PROCR: variants seen among roughly 807,000 people sequenced by gnomAD.
The protein encoded by PROCR is protein C receptor, also known as endothelial protein C receptor.
Under a neutral mutation model 24.2 loss-of-function variants are expected in PROCR, and 22 were observed. That is an observed-to-expected ratio of 0.91 (90% CI 0.65 to 1.30). The LOEUF is 1.30. PROCR is among the 50% of genes most tolerant of loss of function. PROCR has a pLI of 0.00. For missense variants in PROCR, 288 were observed against 307.7 expected (o/e 0.94, Z 0.48); for synonymous variants, 137 against 139.2 (o/e 0.98, Z 0.11).
chr20:35,214,532 C>CA (rs2060373955), intron 1 of PROCR, among the ~76,000 whole-genome samples: 9 of 151,610 alleles, frequency 5.9e-5, no homozygotes, highest in Admixed American at 5.3e-4. Flanking sequence ...TAAAAAAATA[C>CA]AAAAAAATTA....
At chr20:35,180,257 A>AATAAATAT (rs59814660), downstream of PROCR, among the ~76,000 whole-genome samples, 92,763 of 151,060 alleles carry the variant, frequency 0.61, 29,718 homozygotes, top group African/African-American at 0.8. Context: ...CAAATAAATA[A>AATAAATAT]ATAAATACAT....
chr20:35,182,579 T>G (rs1440915530), intron 1 of PROCR, among the ~76,000 whole-genome samples: 1 of 152,240 alleles, frequency 6.6e-6, no homozygotes, highest in Admixed American at 6.5e-5. Flanking sequence ...GATATGATCC[T>G]TCTCAAGGAG....
chr20:35,192,411 T>C lies in PROCR; in HGVS notation c.94+15965T>C, dbSNP rs143190175. ...GAGCCACACTCTCTTACAGACTAAG[T>C]GTTTTTAAGGATTCAGGGTGGGAGA... On this transcript the variant is annotated intron_variant, in intron 1 of 1. Coordinates refer to the PROCR transcript ENST00000634509. 2.6e-3 allele frequency among the ~76,000 whole-genome samples: 396 copies of C among 151,844 alleles called. 2 individuals are homozygous for C. The highest frequency in any genetic ancestry group is 8.7e-3 in the African/African-American group (362 of 41,394).
chr20:35,178,535 A>G (rs1322913196), downstream of PROCR, among the ~76,000 whole-genome samples: 1 of 2,168 alleles, frequency 4.6e-4, no homozygotes, highest in Non-Finnish European at 6.4e-4. Context: ...TTTTTTTTTG[A>G]GACGAAGTCT....
intron 1 of PROCR, among the ~76,000 whole-genome samples, chr20:35,191,302 C>T (rs1311574704): frequency 5.9e-5 from 9 of 151,924 alleles, no homozygotes; most frequent in Admixed American, 4.6e-4. Context: ...TTTATTGAGT[C>T]GGGTCACTAG....
chr20:35,197,511 C>T (rs2060302289), intron 1 of PROCR, among the ~76,000 whole-genome samples: 1 of 152,048 alleles, frequency 6.6e-6, no homozygotes. Flanking sequence ...CTACAATGGC[C>T]TCTAAATGTT....
chr20:35,190,377 C>A (rs1304822626), intron 1 of PROCR, among the ~76,000 whole-genome samples: 1 of 152,166 alleles, frequency 6.6e-6, no homozygotes, highest in Non-Finnish European at 1.5e-5. Context: ...AATTCTTAGA[C>A]ATTTCTGTTC....
intron 1 of PROCR, among the ~76,000 whole-genome samples, chr20:35,210,419 C>T (rs2060357837): frequency 2.7e-5 from 4 of 149,972 alleles, no homozygotes; most frequent in East Asian, 2.0e-4. Flanking sequence ...TGGTGGCACA[C>T]GCCTGTAGTC....
chr20:35,193,503 A>G (rs2086191382), intron 1 of PROCR, among the ~76,000 whole-genome samples: 1 of 152,200 alleles, frequency 6.6e-6, no homozygotes, highest in African/African-American at 2.4e-5. Flanking sequence ...GATGCTGGCT[A>G]TATCAATAGG....
chr20:35,203,137 A>G (rs1343844691), intron 1 of PROCR: 2 of 152,152 alleles, frequency 1.3e-5, no homozygotes, highest in Non-Finnish European at 2.9e-5. Flanking sequence ...CTAGCCGTGC[A>G]TGGTGGCACA....
intron 1 of PROCR, among the ~76,000 whole-genome samples, chr20:35,205,527 G>A (rs771818527): frequency 4.0e-5 from 6 of 149,192 alleles, no homozygotes; most frequent in Non-Finnish European, 7.4e-5. Flanking sequence ...CGAGGCAGGC[G>A]GATCACCTGA....
chr20:35,179,232 C>CA (rs61421342), downstream of PROCR, among the ~76,000 whole-genome samples: 581 of 76,370 alleles, frequency 7.6e-3, 6 homozygotes, highest in South Asian at 0.012. Context: ...GACTCCATCT[C>CA]AAAAAAAAAA....
At chr20:35,208,703 G>A (rs1211582790) in intron 1 of PROCR, among the ~76,000 whole-genome samples, 1 of 152,188 alleles carries the variant, frequency 6.6e-6, no homozygotes, top group Admixed American at 6.5e-5. Flanking sequence ...AGCTGGACGT[G>A]GTGGCTCACG....
rs373421112 is a variant in PROCR, at chr20:35,208,000, T to C, written c.95-7893T>C. 3.5e-4 allele frequency among the ~76,000 whole-genome samples: 54 copies of C among 152,340 alleles called. No homozygotes were observed. In the East Asian group the frequency reaches 4.2e-3, roughly 12 times the overall value. ...AATACACTACCTGCCCTGGGCACTT[T>C]AGTGAGAATCCATTTATTGGGTTAA... On this transcript the variant is annotated intron_variant, in intron 1 of 1. Coordinates refer to the PROCR transcript ENST00000634509.
intron 1 of PROCR, among the ~76,000 whole-genome samples, chr20:35,187,423 T>G (rs1310623147): frequency 6.6e-6 from 1 of 152,192 alleles, no homozygotes; most frequent in Non-Finnish European, 1.5e-5. Context: ...TGCCCAAAGT[T>G]CCACAGTGAT....
rs546198369 is a variant in PROCR, at chr20:35,200,688, G to A, written c.95-15205G>A. On this transcript the variant is annotated intron_variant, in intron 1 of 1. Coordinates refer to the PROCR transcript ENST00000634509. ...TTTTAGACGAACTCTTTGCTCTGTCGCCCAAGCTGGAGTGCAGTAGCAATC... is the reference window on the plus strand; with the variant it reads ...TTTTAGACGAACTCTTTGCTCTGTCACCCAAGCTGGAGTGCAGTAGCAATC... 5.0e-4 allele frequency among the ~76,000 whole-genome samples: 76 copies of A among 151,988 alleles called. 1 individual carries two copies. Among genetic ancestry groups the A allele is most frequent in the African/African-American group, 1.6e-3 (67 of 41,464 alleles).
At chr20:35,192,126 A>G (rs1300987715) in intron 1 of PROCR, among the ~76,000 whole-genome samples, 1 of 152,264 alleles carries the variant, frequency 6.6e-6, no homozygotes, top group Admixed American at 6.5e-5. Flanking sequence ...GAACTTTCCT[A>G]CACTGCTGTT....
rs200863394 is a variant in PROCR, at chr20:35,172,231, C to T, written c.70+7C>T. The T allele has an allele frequency of 2.3e-5, 37 of 1,614,032 alleles. No individual in the cohort carries two copies. Among genetic ancestry groups the T allele is most frequent in the Non-Finnish European group, 3.1e-5 (36 of 1,179,926 alleles). Reference sequence around the variant, plus strand: ...AGCCAAGACGCCTCAGATGGTGAGTCGGGGGCACATCTCCTGCCTCAGGAT... The same window carrying T: ...AGCCAAGACGCCTCAGATGGTGAGTTGGGGGCACATCTCCTGCCTCAGGAT... On this transcript the variant is annotated splice_region_variant and intron_variant, in intron 1 of 3. Coordinates refer to ENST00000216968, the MANE Select transcript of PROCR (RefSeq NM_006404.5).
upstream of PROCR, among the ~76,000 whole-genome samples, chr20:35,171,329 C>G (rs2085949041): frequency 6.6e-6 from 1 of 152,180 alleles, no homozygotes; most frequent in Non-Finnish European, 1.5e-5. Context: ...ATAACACTTT[C>G]TCTTACTAAG....
Sources: gnomAD v4.1 joint callset for allele counts (sites outside exome capture counted in the v4.1 genomes callset) on GRCh38, gnomAD v4.1.1 for gene constraint, MANE v1.5 for transcripts, NCBI Gene and HGNC (gene_info 2026-07-23, HGNC 2026-07-21) for gene names.